Variants in SLC44A5 observed in about 807,000 individuals in gnomAD.
The protein encoded by SLC44A5 is choline transporter-like protein 5.
A neutral mutation model predicts 101.8 loss-of-function variants in SLC44A5; 57 were observed. The observed-to-expected ratio is 0.56, with a 90% confidence interval of 0.45 to 0.70. The LOEUF (loss-of-function observed/expected upper bound fraction) is 0.70. SLC44A5 is among the 30% of genes least tolerant of loss of function. The probability of loss-of-function intolerance (pLI) is 0.00; values close to 1 mark genes in which losing one functional copy is unlikely to be tolerated. For synonymous variants in SLC44A5, 281 were observed against 290.9 expected (o/e 0.97, Z 0.35); for missense variants, 737 against 853.1 (o/e 0.86, Z 1.70).
At chr1:75,490,923 A>G (rs1557841886) in intron 2 of SLC44A5, among the ~76,000 whole-genome samples, 1 of 151,728 alleles carries the variant, frequency 6.6e-6, no homozygotes, top group East Asian at 1.9e-4. Flanking sequence ...AAGTAAATCT[A>G]CTTTTTTAAA....
chr1:75,591,293 A>G (rs887145799), intron 1 of SLC44A5, among the ~76,000 whole-genome samples: 7 of 152,144 alleles, frequency 4.6e-5, no homozygotes, highest in Admixed American at 3.9e-4. Flanking sequence ...AGAAAACACC[A>G]TAAAACAATA....
At chr1:75,220,915 C>G (rs191293124) in intron 14 of SLC44A5, among the ~76,000 whole-genome samples, 1 of 152,278 alleles carries the variant, frequency 6.6e-6, no homozygotes. Flanking sequence ...TATTCTCACA[C>G]CTATTTATTT....
At chr1:75,703,907 G>T in the SLC44A5 span, among the ~76,000 whole-genome samples, 1 of 151,984 alleles carries the variant, frequency 6.6e-6, no homozygotes, top group Admixed American at 6.6e-5. Context: ...AAACCTCCAG[G>T]CCAAGCATGG....
chr1:75,278,892 A>T (rs1321705224), intron 5 of SLC44A5, among the ~76,000 whole-genome samples: 1 of 152,000 alleles, frequency 6.6e-6, no homozygotes, highest in African/African-American at 2.4e-5. Flanking sequence ...ATGCAAAATA[A>T]CTTTTATTAC....
the SLC44A5 span, among the ~76,000 whole-genome samples, chr1:75,619,566 A>C: frequency 6.6e-6 from 1 of 152,052 alleles, no homozygotes; most frequent in Non-Finnish European, 1.5e-5. Context: ...AAAAACAAAA[A>C]CACAAACACA....
At chr1:75,288,582 T>C (rs1653261434) in intron 5 of SLC44A5, among the ~76,000 whole-genome samples, 1 of 152,180 alleles carries the variant, frequency 6.6e-6, no homozygotes, top group Non-Finnish European at 1.5e-5. Flanking sequence ...AGAGAAACTA[T>C]ATATGATACT....
At chr1:75,520,125 G>C (rs368335037) in intron 2 of SLC44A5, among the ~76,000 whole-genome samples, 2 of 152,202 alleles carry the variant, frequency 1.3e-5, no homozygotes, top group Non-Finnish European at 1.5e-5. Flanking sequence ...ATCACACAAT[G>C]TCCTATAAAT....
At position 75,219,286 on chromosome 1, in the gene SLC44A5, T is replaced by C. The variant is rs1162963961; in HGVS notation, c.1237A>G (p.Ile413Val). 15 of 1,613,250 alleles carry C rather than the reference T, an allele frequency of 9.3e-6. No homozygotes were observed. The highest frequency in any genetic ancestry group is 1.3e-5 in the Non-Finnish European group (15 of 1,179,322). ...YKVIAPGGHCIHENQTCDPEI... is the reference protein window; with the variant it reads ...YKVIAPGGHCVHENQTCDPEI... ...GGGTCACAGGTTTGATTTTCATGTA[T>C]ACAATGCCCCCCTGGAGCTATGACT... Residue 413 changes from isoleucine to valine, a missense_variant, in exon 16 of 24, where the codon ATA (isoleucine) becomes GTA (valine). Coordinates refer to ENST00000370859, the MANE Select transcript of SLC44A5 (RefSeq NM_001130058.2).
chr1:75,231,342 A>G (rs1237620383), intron 12 of SLC44A5, among the ~76,000 whole-genome samples: 1 of 152,184 alleles, frequency 6.6e-6, no homozygotes, highest in Non-Finnish European at 1.5e-5. Context: ...TTTATTTCCT[A>G]AAGTTTATCA....
chr1:75,418,459 T>G (rs2972005), intron 2 of SLC44A5, among the ~76,000 whole-genome samples: 52,833 of 151,916 alleles, frequency 0.35, 9,364 homozygotes, highest in Middle Eastern at 0.41. Flanking sequence ...ACATGGGAAG[T>G]GTTCAGGGGG....
chr1:75,584,878 T>A (rs1168035742), intron 1 of SLC44A5, among the ~76,000 whole-genome samples: 1 of 152,186 alleles, frequency 6.6e-6, no homozygotes, highest in Non-Finnish European at 1.5e-5. Flanking sequence ...ATTACAGGTG[T>A]GAGCCACCAT....
intron 3 of SLC44A5, among the ~76,000 whole-genome samples, chr1:75,370,802 G>GCAA (rs1660174880): frequency 6.6e-6 from 1 of 152,196 alleles, no homozygotes; most frequent in Admixed American, 6.5e-5. Context: ...GAGAAAATCA[G>GCAA]CAACAGGAGA....
At chr1:75,325,080 C>A (rs1411563687) in intron 4 of SLC44A5, among the ~76,000 whole-genome samples, 1 of 152,034 alleles carries the variant, frequency 6.6e-6, no homozygotes, top group African/African-American at 2.4e-5. Flanking sequence ...ACAAAAAATT[C>A]TCAACACAAC....
At chr1:75,352,656 A>G (rs1249839) in intron 3 of SLC44A5, among the ~76,000 whole-genome samples, 85,978 of 151,868 alleles carry the variant, frequency 0.57, 24,887 homozygotes, top group Non-Finnish European at 0.63. Context: ...TGACAAAGAT[A>G]TGGAGTCTTA....
Position 75,203,673 on chromosome 1 carries a change from C to T in SLC44A5, c.*54G>A. ...ACTTATGAAACAAATGTTGCACAGACACAGCAGATGGAGAAAAGGTAACAC... is the reference window on the plus strand; with the variant it reads ...ACTTATGAAACAAATGTTGCACAGATACAGCAGATGGAGAAAAGGTAACAC... On this transcript the variant is annotated 3_prime_UTR_variant, in exon 24 of 24. Transcript: ENST00000370859. 1 of 1,509,984 alleles carries T rather than the reference C, an allele frequency of 6.6e-7. No individual in the cohort carries two copies. The highest frequency in any genetic ancestry group is 8.9e-7 in the Non-Finnish European group (1 of 1,127,844). The allele number at this position is 1,509,984 out of a possible 1,614,324, so 93.5% of individuals were successfully genotyped here.
intron 13 of SLC44A5, among the ~76,000 whole-genome samples, chr1:75,224,015 T>A (rs1428490855): frequency 6.6e-6 from 1 of 152,192 alleles, no homozygotes; most frequent in Non-Finnish European, 1.5e-5. Flanking sequence ...AATTGCACCC[T>A]CAAAATAATT....
At chr1:75,529,316 T>A (rs911550318) in intron 2 of SLC44A5, among the ~76,000 whole-genome samples, 9 of 152,200 alleles carry the variant, frequency 5.9e-5, no homozygotes, top group Admixed American at 5.2e-4. Flanking sequence ...TATGGGACAG[T>A]TGATGCCTCT....
At chr1:75,485,817 G>T (rs181877316) in intron 2 of SLC44A5, among the ~76,000 whole-genome samples, 1 of 152,120 alleles carries the variant, frequency 6.6e-6, no homozygotes, top group African/African-American at 2.4e-5. Context: ...CAATCATGGC[G>T]GAAGGTGAAG....
At chr1:75,220,915 C>T (rs191293124) in intron 14 of SLC44A5, among the ~76,000 whole-genome samples, 9 of 152,160 alleles carry the variant, frequency 5.9e-5, no homozygotes, top group Non-Finnish European at 1.3e-4. Flanking sequence ...TATTCTCACA[C>T]CTATTTATTT....
Sources: gnomAD v4.1 joint callset for allele counts (sites outside exome capture counted in the v4.1 genomes callset) on GRCh38, gnomAD v4.1.1 for gene constraint, MANE v1.5 for transcripts, NCBI Gene and HGNC (gene_info 2026-07-23, HGNC 2026-07-21) for gene names.